Variants in SCLT1 observed in about 807,000 individuals in gnomAD.
SCLT1 encodes sodium channel and clathrin linker 1.
Under a neutral mutation model 112.8 loss-of-function variants are expected in SCLT1, and 78 were observed. That is an observed-to-expected ratio of 0.69 (90% CI 0.58 to 0.83). The LOEUF is 0.83. Ranked by LOEUF, SCLT1 falls within the 40% of genes least tolerant of loss-of-function variation. The pLI, the probability that SCLT1 is intolerant of heterozygous loss-of-function variation, is 0.00. For synonymous variants in SCLT1, 257 were observed against 254.7 expected (o/e 1.01, Z -0.09); for missense variants, 747 against 770.4 (o/e 0.97, Z 0.36).
rs536610547 is a variant in SCLT1 at position 129,091,645 on chromosome 4, T to C, written c.34+1425A>G. ...TAATGCTAATGTTATTGTGTCATTA[T>C]AGTGTCATTAATTATTTTAGATAAC... On this transcript the variant is annotated intron_variant, in intron 1 of 20. Transcript: ENST00000281142. Among the ~76,000 whole-genome samples the C allele has an allele frequency of 3.3e-5, 5 of 152,332 alleles. No homozygotes were observed. The South Asian group carries it at 1.0e-3, about 32-fold the overall frequency.
At chr4:128,960,775 C>T (rs1318757626) in intron 11 of SCLT1, among the ~76,000 whole-genome samples, 5 of 150,712 alleles carry the variant, frequency 3.3e-5, no homozygotes, top group Non-Finnish European at 7.4e-5. Context: ...AAAAAATTAG[C>T]CGGGCTCGGT....
rs559697022 is a variant in SCLT1 at position 128,932,373 on chromosome 4, TAA to T, written c.1829+4280_1829+4281del. 2.2e-3 allele frequency among the ~76,000 whole-genome samples: 329 copies of T among 152,270 alleles called. 1 individual carries two copies. Among genetic ancestry groups the T allele is most frequent in the African/African-American group, 7.7e-3 (320 of 41,582 alleles). ...TATTAAAATATACATGTATAAAACC[TAA>T]GTTAAAATCTAAAATATCTATAGTT... On this transcript the variant is annotated intron_variant, in intron 18 of 20. Coordinates refer to ENST00000281142, the MANE Select transcript of SCLT1 (RefSeq NM_144643.4).
chr4:129,081,226 C>T (rs1264838768), intron 2 of SCLT1, among the ~76,000 whole-genome samples: 1 of 152,230 alleles, frequency 6.6e-6, no homozygotes, highest in Non-Finnish European at 1.5e-5. Flanking sequence ...AGTTCTCCCT[C>T]ATGAGCCTTT....
chr4:129,088,211 T>C (rs1481579972), intron 1 of SCLT1, among the ~76,000 whole-genome samples: 16 of 152,182 alleles, frequency 1.1e-4, no homozygotes, highest in Admixed American at 1.0e-3. Flanking sequence ...AAAGGCAAGG[T>C]GGTTTTAACA....
At chr4:129,044,077 T>C (rs1579823481) in intron 2 of SCLT1, 26 bp from the exon 3 acceptor site, 1 of 1,329,450 alleles carries the variant, frequency 7.5e-7, no homozygotes, top group Non-Finnish European at 1.1e-6. Flanking sequence ...CATCTTAAAA[T>C]GTGTTCTCAC....
intron 5 of SCLT1, among the ~76,000 whole-genome samples, chr4:129,033,179 A>G (rs912343806): frequency 3.9e-5 from 6 of 152,176 alleles, no homozygotes; most frequent in African/African-American, 9.7e-5. Context: ...GAATGAGTTC[A>G]TGTCCTTTGC....
intron 9 of SCLT1, among the ~76,000 whole-genome samples, chr4:128,987,513 A>G (rs1255183573): frequency 1.3e-5 from 2 of 152,208 alleles, no homozygotes; most frequent in Non-Finnish European, 2.9e-5. Flanking sequence ...ATAATTTTTT[A>G]AAAGTCATGT....
chr4:129,085,573 T>C (rs538532749), intron 1 of SCLT1, among the ~76,000 whole-genome samples: 14 of 152,266 alleles, frequency 9.2e-5, no homozygotes, highest in Admixed American at 4.6e-4. Flanking sequence ...TGTATGTCCA[T>C]TGCAACACTA....
chr4:129,033,554 GAATAA>G (rs1746935941), intron 5 of SCLT1, among the ~76,000 whole-genome samples: 1 of 124,008 alleles, frequency 8.1e-6, no homozygotes, highest in African/African-American at 2.9e-5. Context: ...AAGGTACTAT[GAATAA>G]AATAAAATTG....
downstream of SCLT1, among the ~76,000 whole-genome samples, chr4:128,881,181 ATCTC>A (rs1732632041): frequency 6.6e-6 from 1 of 151,828 alleles, no homozygotes; most frequent in Non-Finnish European, 1.5e-5. Flanking sequence ...GGGTACTGCA[ATCTC>A]TCTGTCTACA....
intron 5 of SCLT1, among the ~76,000 whole-genome samples, chr4:129,020,757 A>G (rs1745398605): frequency 6.6e-6 from 1 of 152,204 alleles, no homozygotes; most frequent in Non-Finnish European, 1.5e-5. Context: ...TTTTTACAGC[A>G]AAAAGATCCA....
intron 5 of SCLT1, among the ~76,000 whole-genome samples, chr4:129,025,939 A>G (rs1224099223): frequency 6.6e-6 from 1 of 152,156 alleles, no homozygotes; most frequent in East Asian, 1.9e-4. Context: ...AACAAAGATC[A>G]AAAGAGACAA....
chr4:128,904,827 C>A (rs563512865), intron 18 of SCLT1, among the ~76,000 whole-genome samples: 293 of 152,242 alleles, frequency 1.9e-3, no homozygotes, highest in Non-Finnish European at 3.2e-3. Flanking sequence ...AAAGACCTGA[C>A]TGCTAAAAAA....
At chr4:128,951,546 T>G (rs1457164008) in intron 14 of SCLT1, among the ~76,000 whole-genome samples, 1 of 152,186 alleles carries the variant, frequency 6.6e-6, no homozygotes, top group Non-Finnish European at 1.5e-5. Flanking sequence ...CCCTTGAGAA[T>G]ACAGAAAGAA....
intron 1 of SCLT1, among the ~76,000 whole-genome samples, chr4:129,082,793 C>G (rs1466153303): frequency 6.6e-6 from 1 of 152,090 alleles, no homozygotes. Flanking sequence ...CAGGACAAAC[C>G]TCCACCTTAA....
At chr4:128,960,926 C>CAAAAAAAA (rs34599122) in intron 11 of SCLT1, among the ~76,000 whole-genome samples, 2 of 52,478 alleles carry the variant, frequency 3.8e-5, no homozygotes, top group Non-Finnish European at 3.2e-5. Flanking sequence ...GACTCCGTCT[C>CAAAAAAAA]AAAAAAAAAA....
intron 5 of SCLT1, among the ~76,000 whole-genome samples, chr4:129,034,078 T>C (rs993467695): frequency 6.6e-6 from 1 of 152,108 alleles, no homozygotes; most frequent in South Asian, 2.1e-4. Context: ...CAAGAATAGA[T>C]AGAACATTTA....
At chr4:128,976,481 A>G (rs1326129066) in intron 9 of SCLT1, among the ~76,000 whole-genome samples, 2 of 152,296 alleles carry the variant, frequency 1.3e-5, no homozygotes, top group East Asian at 3.9e-4. Flanking sequence ...GACATGCTTA[A>G]AACATGTTTA....
chr4:129,037,570 T>G (rs1747296115), intron 5 of SCLT1: 1 of 152,146 alleles, frequency 6.6e-6, no homozygotes, highest in African/African-American at 2.4e-5. Flanking sequence ...GGGATGGTGG[T>G]AGCACCAGGG....
Sources: gnomAD v4.1 joint callset for allele counts (sites outside exome capture counted in the v4.1 genomes callset) on GRCh38, gnomAD v4.1.1 for gene constraint, MANE v1.5 for transcripts, NCBI Gene and HGNC (gene_info 2026-07-23, HGNC 2026-07-21) for gene names.